Variants in ITSN1 observed in about 807,000 individuals in gnomAD.
ITSN1 encodes intersectin 1.
A neutral mutation model predicts 239.8 loss-of-function variants in ITSN1; 58 were observed. That is an observed-to-expected ratio of 0.24 (90% confidence interval 0.20 to 0.30). The LOEUF is 0.30. Ranked by LOEUF, ITSN1 falls within the 10% of genes least tolerant of loss-of-function variation. ITSN1 has a pLI of 1.00. For missense variants in ITSN1, 1,558 were observed against 2,103.3 expected (o/e 0.74, Z 5.07); for synonymous variants, 780 against 770.8 (o/e 1.01, Z -0.20).
At chr21:33,690,524 C>G (rs979676927) in intron 1 of ITSN1, among the ~76,000 whole-genome samples, 7 of 149,516 alleles carry the variant, frequency 4.7e-5, no homozygotes, top group African/African-American at 1.7e-4. Flanking sequence ...GGCGTGAACC[C>G]GGGAGGCAGA....
chr21:33,862,979 G>A (rs931180774), intron 31 of ITSN1, among the ~76,000 whole-genome samples: 2 of 152,176 alleles, frequency 1.3e-5, no homozygotes, highest in Admixed American at 1.3e-4. Context: ...CCAGTTAATT[G>A]CCTTTTGCAG....
At chr21:33,791,909 T>C (rs1002773663) in intron 16 of ITSN1, among the ~76,000 whole-genome samples, 1 of 152,226 alleles carries the variant, frequency 6.6e-6, no homozygotes, top group African/African-American at 2.4e-5. Flanking sequence ...TGAAATGTTA[T>C]TTCTCTTCCG....
At chr21:33,828,092 A>G (rs2074073570) in intron 26 of ITSN1, among the ~76,000 whole-genome samples, 1 of 152,248 alleles carries the variant, frequency 6.6e-6, no homozygotes, top group Admixed American at 6.5e-5. Flanking sequence ...GAGGGTCCAG[A>G]TATTTCATAG....
intron 1 of ITSN1, among the ~76,000 whole-genome samples, chr21:33,672,600 C>T (rs2146397895): frequency 6.6e-6 from 1 of 152,306 alleles, no homozygotes; most frequent in Admixed American, 6.5e-5. Flanking sequence ...AATAGAACTA[C>T]TGTATGACCC....
Position 33,898,476 on chromosome 21 carries a change from T to G in ITSN1, c.*10176T>G. 1 of 152,220 alleles carries G rather than the reference T, an allele frequency of 6.6e-6. No homozygotes were observed. The highest frequency in any genetic ancestry group is 1.9e-4 in the East Asian group (1 of 5,194). The allele number at this position is 152,220 out of a possible 1,614,324, so 9.4% of individuals were successfully genotyped here. On this transcript the variant is annotated 3_prime_UTR_variant, in exon 40 of 40. Coordinates refer to ENST00000381318, the MANE Select transcript of ITSN1 (RefSeq NM_003024.3). ...CAGGCTGCTTCTGGGGCACAGACTT[T>G]CTGTACTTGGCCACCAGAAGTGCCC...
At chr21:33,713,488 T>C (rs2092474903) in intron 1 of ITSN1, among the ~76,000 whole-genome samples, 2 of 150,646 alleles carry the variant, frequency 1.3e-5, no homozygotes, top group Admixed American at 6.7e-5. Context: ...ATGATCTGCT[T>C]GCCTCGGCCT....
At chr21:33,718,706 C>A (rs1362451221) in intron 1 of ITSN1, 91 bp from the exon 2 acceptor site, 2 of 822,408 alleles carry the variant, frequency 2.4e-6, no homozygotes, top group Non-Finnish European at 4.2e-6. Flanking sequence ...TAGTATTAGT[C>A]CTCTGACCAT....
At chr21:33,785,390 C>G (rs919186197) in intron 16 of ITSN1, among the ~76,000 whole-genome samples, 1 of 152,160 alleles carries the variant, frequency 6.6e-6, no homozygotes, top group Non-Finnish European at 1.5e-5. Context: ...AGCCCAGATT[C>G]TGAGTTATAA....
chr21:33,869,716 T>A (rs1329159155), intron 33 of ITSN1, among the ~76,000 whole-genome samples: 1 of 152,218 alleles, frequency 6.6e-6, no homozygotes, highest in African/African-American at 2.4e-5. Context: ...GTTTTAGATC[T>A]GGTTCCTTTT....
chr21:33,816,324 A>G (rs1030327317), intron 22 of ITSN1, among the ~76,000 whole-genome samples: 1 of 152,150 alleles, frequency 6.6e-6, no homozygotes, highest in Non-Finnish European at 1.5e-5. Flanking sequence ...ATAGCTCACC[A>G]CTGTTATTTC....
At chr21:33,715,977 C>T (rs2065112476) in intron 1 of ITSN1, among the ~76,000 whole-genome samples, 2 of 152,078 alleles carry the variant, frequency 1.3e-5, no homozygotes, top group South Asian at 4.2e-4. Context: ...TAAGGAGAAA[C>T]ATAACAGTAA....
chr21:33,852,257 C>G (rs1978463433), intron 29 of ITSN1, among the ~76,000 whole-genome samples: 1 of 152,102 alleles, frequency 6.6e-6, no homozygotes, highest in African/African-American at 2.4e-5. Context: ...CCCTTTCATA[C>G]AGGAACAAGG....
chr21:33,805,741 G>A (rs977547417), intron 20 of ITSN1, among the ~76,000 whole-genome samples: 1 of 151,602 alleles, frequency 6.6e-6, no homozygotes, highest in Non-Finnish European at 1.5e-5. Context: ...GCGCGATCTC[G>A]GTTCCCTGCA....
intron 1 of ITSN1, among the ~76,000 whole-genome samples, chr21:33,686,405 T>C (rs987195260): frequency 6.6e-6 from 1 of 152,204 alleles, no homozygotes; most frequent in African/African-American, 2.4e-5. Flanking sequence ...TGTTTTGAAA[T>C]TTGTTATCTT....
At chr21:33,876,906 T>C (rs1490292041) in intron 34 of ITSN1, among the ~76,000 whole-genome samples, 1 of 151,638 alleles carries the variant, frequency 6.6e-6, no homozygotes, top group Non-Finnish European at 1.5e-5. Flanking sequence ...GATGTAGATA[T>C]AGATATAGAT....
At chr21:33,711,128 A>G (rs1354423881) in intron 1 of ITSN1, among the ~76,000 whole-genome samples, 1 of 152,190 alleles carries the variant, frequency 6.6e-6, no homozygotes, top group African/African-American at 2.4e-5. Context: ...AAGAGTATTC[A>G]CATTCTCGTA....
chr21:33,766,743 CTG>C (rs1235163457), intron 10 of ITSN1, among the ~76,000 whole-genome samples: 2 of 152,194 alleles, frequency 1.3e-5, no homozygotes, highest in South Asian at 2.1e-4. Flanking sequence ...GCTGAGGAAA[CTG>C]TGACTATGTA....
At chr21:33,716,314 C>G (rs1156350805) in intron 1 of ITSN1, 1 of 152,222 alleles carries the variant, frequency 6.6e-6, no homozygotes, top group Non-Finnish European at 1.5e-5. Context: ...AGCGCTAGAA[C>G]CGGAAGTGCT....
At chr21:33,729,731 A>G (rs1035253254) in intron 4 of ITSN1, among the ~76,000 whole-genome samples, 2 of 152,184 alleles carry the variant, frequency 1.3e-5, no homozygotes, top group African/African-American at 4.8e-5. Context: ...ATAGTCAGTT[A>G]GGTAATAGTA....
Sources: gnomAD v4.1 joint callset for allele counts (sites outside exome capture counted in the v4.1 genomes callset) on GRCh38, gnomAD v4.1.1 for gene constraint, MANE v1.5 for transcripts, NCBI Gene and HGNC (gene_info 2026-07-23, HGNC 2026-07-21) for gene names.